Variants in FBXL17 observed in about 807,000 individuals in gnomAD.
The protein encoded by FBXL17 is F-box/LRR-repeat protein 17.
In FBXL17, 22 loss-of-function variants were observed where a neutral mutation model predicts 66.2. The observed-to-expected ratio is 0.33, with a 90% CI of 0.24 to 0.47. The LOEUF (loss-of-function observed/expected upper bound fraction) is 0.47, where lower values mean the gene tolerates loss of function less well. Ranked by LOEUF, FBXL17 falls within the 20% of genes least tolerant of loss-of-function variation. The pLI is 1.00. For missense variants in FBXL17, 878 were observed against 948.2 expected (o/e 0.93, Z 0.97); for synonymous variants, 474 against 400.5 (o/e 1.18, Z -2.19).
rs184680072 is a variant in FBXL17 at position 108,119,296 on chromosome 5, C to T, written c.1745+66821G>A. On this transcript the variant is annotated intron_variant, in intron 6 of 8. Coordinates refer to ENST00000542267, the MANE Select transcript of FBXL17 (RefSeq NM_001163315.3). ...TTGTGCAAGGGGAATGCCACTAGTC[C>T]CAAATCAACAAGCTCATTCTATTCA... Among the ~76,000 whole-genome samples the T allele has an allele frequency of 1.1e-4, 16 of 152,194 alleles. No homozygotes were observed. In the East Asian group the frequency reaches 2.9e-3, roughly 28 times the overall value.
intron 6 of FBXL17, among the ~76,000 whole-genome samples, chr5:108,168,824 A>G (rs533457821): frequency 1.3e-5 from 2 of 152,240 alleles, no homozygotes; most frequent in Non-Finnish European, 2.9e-5. Context: ...GAACCCATTT[A>G]GAGGATTGAA....
chr5:108,033,290 C>A (rs1011271000), intron 6 of FBXL17, among the ~76,000 whole-genome samples: 2 of 152,082 alleles, frequency 1.3e-5, no homozygotes, highest in Non-Finnish European at 1.5e-5. Flanking sequence ...ACATTTTACT[C>A]CTAAACACTT....
intron 4 of FBXL17, among the ~76,000 whole-genome samples, chr5:108,248,789 G>C (rs1246267094): frequency 3.3e-5 from 5 of 152,004 alleles, no homozygotes; most frequent in African/African-American, 1.2e-4. Context: ...TGGAAGTAGG[G>C]CAATATTTTT....
At chr5:108,247,763 G>T (rs996619021) in intron 4 of FBXL17, among the ~76,000 whole-genome samples, 1 of 152,038 alleles carries the variant, frequency 6.6e-6, no homozygotes, top group African/African-American at 2.4e-5. Context: ...GCTTTTAGTG[G>T]TTTACATCAT....
At chr5:108,002,640 A>G (rs959080038) in intron 7 of FBXL17, among the ~76,000 whole-genome samples, 1 of 152,164 alleles carries the variant, frequency 6.6e-6, no homozygotes, top group African/African-American at 2.4e-5. Context: ...ATGTCCATCA[A>G]CTGGTGAAAG....
At chr5:107,950,477 A>C (rs1751461102) in intron 7 of FBXL17, among the ~76,000 whole-genome samples, 1 of 152,182 alleles carries the variant, frequency 6.6e-6, no homozygotes, top group African/African-American at 2.4e-5. Context: ...ATGTTTTGGA[A>C]TAATTTGAGA....
intron 6 of FBXL17, among the ~76,000 whole-genome samples, chr5:108,176,890 T>A (rs1021614103): frequency 6.6e-6 from 1 of 152,166 alleles, no homozygotes; most frequent in Non-Finnish European, 1.5e-5. Context: ...AGAAAAACTT[T>A]GCCTGTTGTA....
At chr5:107,979,205 A>T (rs1223554809) in intron 7 of FBXL17, among the ~76,000 whole-genome samples, 1 of 152,198 alleles carries the variant, frequency 6.6e-6, no homozygotes, top group Non-Finnish European at 1.5e-5. Context: ...CCTTGGAGTA[A>T]ACGGAATTAT....
At chr5:108,125,598 G>A (rs1033997966) in intron 6 of FBXL17, among the ~76,000 whole-genome samples, 10 of 152,050 alleles carry the variant, frequency 6.6e-5, no homozygotes, top group African/African-American at 2.4e-4. Context: ...CAAGGAAGGA[G>A]TAGATAATGA....
At chr5:108,068,398 C>T (rs1748192834) in intron 6 of FBXL17, among the ~76,000 whole-genome samples, 1 of 147,286 alleles carries the variant, frequency 6.8e-6, no homozygotes, top group African/African-American at 2.5e-5. Flanking sequence ...CCAAAAAGTA[C>T]TCTTTATACC....
Position 107,881,022 on chromosome 5 carries a change from A to T in FBXL17, c.1965+15T>A. ...TGATATGTAGAAAGCAAACAACTTG[A>T]TAGTCAACTCTTACTTTATCACATC... On this transcript the variant is annotated intron_variant, in intron 8 of 8. Transcript: ENST00000542267. The T allele has an allele frequency of 6.2e-7, 1 of 1,614,100 alleles. No homozygotes were observed. The highest frequency in any genetic ancestry group is 8.5e-7 in the Non-Finnish European group (1 of 1,179,974).
At chr5:108,329,468 C>A (rs760800295) in intron 4 of FBXL17, among the ~76,000 whole-genome samples, 53 of 152,224 alleles carry the variant, frequency 3.5e-4, no homozygotes, top group Non-Finnish European at 6.6e-4. Context: ...TAAGGGAGGA[C>A]TCATAGGATA....
intron 7 of FBXL17, among the ~76,000 whole-genome samples, chr5:107,903,710 G>A (rs570049772): frequency 6.9e-6 from 1 of 145,438 alleles, no homozygotes; most frequent in South Asian, 2.2e-4. Context: ...TTTAACTACG[G>A]GAGATTTATA....
intron 4 of FBXL17, among the ~76,000 whole-genome samples, chr5:108,340,806 G>A (rs1746828390): frequency 6.6e-6 from 1 of 152,116 alleles, no homozygotes; most frequent in Non-Finnish European, 1.5e-5. Context: ...AACATTTATT[G>A]AATGTCTATT....
intron 6 of FBXL17, among the ~76,000 whole-genome samples, chr5:108,157,374 A>T (rs1025858298): frequency 9.2e-5 from 14 of 152,026 alleles, no homozygotes; most frequent in African/African-American, 3.4e-4. Flanking sequence ...CTAAATCACT[A>T]CTAAATTACA....
Position 108,305,926 on chromosome 5 carries a change from T to TA in FBXL17, c.1506+42472dup, listed in dbSNP as rs1277483402. On this transcript the variant is annotated intron_variant, in intron 4 of 8. Coordinates refer to ENST00000542267, the MANE Select transcript of FBXL17 (RefSeq NM_001163315.3). The stretch of plus-strand genomic sequence containing the variant: ...CATCCTGATAGCTTCTTTTCCTTTT[T>TA]AAAAAAATGCCAGTTTGGATCTCAT... Among the ~76,000 whole-genome samples, 4 of 152,176 alleles carry TA rather than the reference T, an allele frequency of 2.6e-5. No individual in the cohort carries two copies. The East Asian group carries it at 5.8e-4, about 22-fold the overall frequency.
At position 108,381,512 on chromosome 5, in the gene FBXL17, C is replaced by A; in HGVS notation, c.180G>T (p.Met60Ile). Residue 60 changes from methionine (M) to isoleucine (I), a missense_variant, in exon 1 of 9, where the codon ATG becomes ATT. Met to Ile is a conservative substitution (Grantham distance 10). Around this residue, in one of 4 missense-constraint regions of FBXL17, gnomAD observed 605 missense variants for 509.5 expected, o/e 1.19. Coordinates refer to ENST00000542267, the MANE Select transcript of FBXL17 (RefSeq NM_001163315.3). ...SRDCFFRGPC[M>I]LCFIVHSPGA... Reference sequence around the variant, plus strand: ...CGGGACTGTGCACGATGAAGCAGAGCATGCAGGGCCCGCGGAAGAAGCAGT... The same window carrying A: ...CGGGACTGTGCACGATGAAGCAGAGAATGCAGGGCCCGCGGAAGAAGCAGT... 2 of 1,405,662 alleles carry A rather than the reference C, an allele frequency of 1.4e-6. No homozygotes were observed. The highest frequency in any genetic ancestry group is 1.8e-6 in the Non-Finnish European group (2 of 1,089,974). The allele number at this position is 1,405,662 out of a possible 1,614,324, so 87.1% of individuals were successfully genotyped here.
chr5:108,069,012 C>A (rs1231157427), intron 6 of FBXL17, among the ~76,000 whole-genome samples: 2 of 152,134 alleles, frequency 1.3e-5, no homozygotes, highest in African/African-American at 2.4e-5. Context: ...GAAACAAGAT[C>A]ATAAGATAAT....
intron 6 of FBXL17, among the ~76,000 whole-genome samples, chr5:108,088,214 G>C (rs1167232820): frequency 6.6e-6 from 1 of 152,218 alleles, no homozygotes; most frequent in Admixed American, 6.5e-5. Context: ...ATATTTAAAG[G>C]TATAAAGAAC....
Sources: gnomAD v4.1 joint callset for allele counts (sites outside exome capture counted in the v4.1 genomes callset) on GRCh38, gnomAD v4.1.1 for gene constraint, gnomAD v4.1.1 regional missense constraint, MANE v1.5 for transcripts, NCBI Gene and HGNC (gene_info 2026-07-23, HGNC 2026-07-21) for gene names.